The following OPRM1 variants were observed in gnomAD, a reference collection of about 807,000 sequenced individuals.
OPRM1 encodes opioid receptor mu 1, also known as mu-type opioid receptor.
A neutral mutation model predicts 31.8 loss-of-function variants in OPRM1; 27 were observed. The ratio of observed to expected loss-of-function variants is 0.85; its 90% CI spans 0.63 to 1.17. The LOEUF (loss-of-function observed/expected upper bound fraction) is 1.17, where lower values mean the gene tolerates loss of function less well. Among genes scored for constraint, OPRM1 ranks in the 50% most tolerant of loss-of-function variants. The pLI, the probability that OPRM1 is intolerant of heterozygous loss-of-function variation, is 0.00. For missense variants in OPRM1, 536 were observed against 511.1 expected, an observed-to-expected ratio of 1.05 and a Z score of -0.47; for synonymous variants, 196 against 189.9, an observed-to-expected ratio of 1.03 and a Z score of -0.26.
chr6:154,093,160 C>A, intron 3 of OPRM1: 1 of 891,622 alleles, frequency 1.1e-6, no homozygotes, highest in Non-Finnish European at 1.7e-6. Flanking sequence ...AAGATTGCAA[C>A]TTAAAATGCC....
upstream of OPRM1, chr6:154,039,236 C>T (rs1779523015): frequency 1.9e-6 from 3 of 1,551,614 alleles, no homozygotes; most frequent in South Asian, 1.2e-5. Flanking sequence ...ACCCCTTTTC[C>T]CTCCTCCCTC....
intron 1 of OPRM1, among the ~76,000 whole-genome samples, chr6:154,078,579 A>G (rs978614756): frequency 1.3e-5 from 2 of 152,206 alleles, no homozygotes; most frequent in African/African-American, 2.4e-5. Context: ...ATTATGAAAA[A>G]CACATCCTAG....
intron 3 of OPRM1, among the ~76,000 whole-genome samples, chr6:154,212,558 T>A (rs532954976): frequency 2.3e-4 from 35 of 152,324 alleles, no homozygotes; most frequent in Admixed American, 6.5e-4. Flanking sequence ...CATCTTCGGG[T>A]CACACACAAA....
chr6:154,036,670 G>A (rs182453473), upstream of OPRM1, among the ~76,000 whole-genome samples: 13 of 151,614 alleles, frequency 8.6e-5, no homozygotes, highest in East Asian at 2.5e-3. Context: ...CTTCATTAAG[G>A]TTTTCCCATA....
chr6:154,025,018 T>C (rs1583139464), intron 1 of OPRM1, among the ~76,000 whole-genome samples: 1 of 152,040 alleles, frequency 6.6e-6, no homozygotes, highest in East Asian at 1.9e-4. Flanking sequence ...TTTCGTGAAA[T>C]GTTCTGTATT....
chr6:154,103,893 T>C (rs1036819750), intron 3 of OPRM1, among the ~76,000 whole-genome samples: 2 of 152,192 alleles, frequency 1.3e-5, no homozygotes, highest in Non-Finnish European at 2.9e-5. Flanking sequence ...CTTTATGACC[T>C]GTATTTTGTG....
At chr6:154,053,570 G>T (rs1338028273) in intron 1 of OPRM1, among the ~76,000 whole-genome samples, 3 of 152,180 alleles carry the variant, frequency 2.0e-5, no homozygotes, top group Non-Finnish European at 2.9e-5. Context: ...GTAGGCCAAG[G>T]TATTCTAAGG....
chr6:154,186,808 G>A (rs1223442890), intron 3 of OPRM1, among the ~76,000 whole-genome samples: 3 of 151,904 alleles, frequency 2.0e-5, no homozygotes, highest in East Asian at 1.9e-4. Flanking sequence ...CACCTGCCTC[G>A]GCCTCCCAAA....
rs1797692579 is a variant in OPRM1 at position 154,128,050 on chromosome 6, G to A, written c.*9329G>A. Reference sequence around the variant, plus strand: ...ACTTTCCATGCAAGCTACCGCATCTGTATAAATTAGGTTCAAATAACAGAG... The same window carrying A: ...ACTTTCCATGCAAGCTACCGCATCTATATAAATTAGGTTCAAATAACAGAG... On this transcript the variant is annotated 3_prime_UTR_variant, in exon 4 of 4. Transcript: ENST00000330432. Among the ~76,000 whole-genome samples the A allele has an allele frequency of 6.6e-6, 1 of 152,192 alleles. No homozygotes were observed. The highest frequency in any genetic ancestry group is 1.5e-5 in the Non-Finnish European group (1 of 68,038).
chr6:154,187,394 G>C (rs1801482636), intron 3 of OPRM1, among the ~76,000 whole-genome samples: 1 of 152,136 alleles, frequency 6.6e-6, no homozygotes, highest in African/African-American at 2.4e-5. Flanking sequence ...CTGTAGGGCT[G>C]TTTATTTTGG....
At chr6:154,181,840 T>C (rs1480873016) in intron 3 of OPRM1, among the ~76,000 whole-genome samples, 9 of 152,180 alleles carry the variant, frequency 5.9e-5, no homozygotes, top group Admixed American at 5.9e-4. Context: ...TTGGGGATCA[T>C]GAACCAGTTG....
chr6:154,201,838 T>C (rs1160225991), intron 3 of OPRM1, among the ~76,000 whole-genome samples: 1 of 152,158 alleles, frequency 6.6e-6, no homozygotes, highest in Non-Finnish European at 1.5e-5. Flanking sequence ...GAAGTTGCAG[T>C]GAGCCAAGAT....
chr6:154,014,492 A>G lies in OPRM1; in HGVS notation c.-1+3474A>G, dbSNP rs1777897269. The stretch of plus-strand genomic sequence containing the variant: ...TGATAAATTGGACATGCAGGATCAT[A>G]TATACAAAACTACATACCTGGTACC... On this transcript the variant is annotated intron_variant, in intron 1 of 5. Coordinates refer to the OPRM1 transcript ENST00000434900. Among the ~76,000 whole-genome samples, 6 of 152,164 alleles carry G rather than the reference A, an allele frequency of 3.9e-5. No homozygotes were observed. In the South Asian group the frequency reaches 1.2e-3, roughly 31 times the overall value.
rs1279713851 is a variant in OPRM1 at position 154,107,952 on chromosome 6, TTTTTTATTTTA to T, written c.1165-10726_1165-10716del. The T allele has an allele frequency of 3.2e-3, 1,380 of 430,024 alleles. 34 individuals are homozygous for T. Among genetic ancestry groups the T allele is most frequent in the South Asian group, 4.8e-3 (162 of 33,856 alleles). The allele number at this position is 430,024 out of a possible 1,614,324, so 26.6% of individuals were successfully genotyped here. On this transcript the variant is annotated intron_variant, in intron 3 of 3. Coordinates refer to ENST00000330432, the MANE Select transcript of OPRM1 (RefSeq NM_000914.5). ...CTTTACAGAGGAGATAAACACTGAT[TTTTTTATTTTA>T]TTTTATTTTATTTTATTTTATTTTA...
intron 1 of OPRM1, among the ~76,000 whole-genome samples, chr6:154,049,386 G>T (rs917029941): frequency 3.0e-4 from 45 of 152,200 alleles, no homozygotes; most frequent in African/African-American, 1.1e-3. Flanking sequence ...AGACAGCAGA[G>T]CATTGCCTTG....
chr6:154,045,223 T>C (rs919279464), intron 1 of OPRM1, among the ~76,000 whole-genome samples: 33 of 151,368 alleles, frequency 2.2e-4, no homozygotes, highest in African/African-American at 7.8e-4. Context: ...GGACTCCGAC[T>C]CAAACAAAAA....
rs1435983276 is a variant in OPRM1, at chr6:154,127,443, T to A, written c.*8722T>A. On this transcript the variant is annotated 3_prime_UTR_variant, in exon 4 of 4. Coordinates refer to ENST00000330432, the MANE Select transcript of OPRM1 (RefSeq NM_000914.5). ...TTTTGTTTGGGTTTTTTGTTGCTGT[T>A]GCTTGTTTATTTGTTTGTTGTGTTT... Among the ~76,000 whole-genome samples the A allele has an allele frequency of 6.6e-6, 1 of 152,184 alleles. No individual in the cohort carries two copies. The highest frequency in any genetic ancestry group is 1.5e-5 in the Non-Finnish European group (1 of 68,032).
At chr6:154,203,094 A>G (rs1777203903) in intron 3 of OPRM1, among the ~76,000 whole-genome samples, 1 of 152,216 alleles carries the variant, frequency 6.6e-6, no homozygotes, top group Non-Finnish European at 1.5e-5. Flanking sequence ...TGGAGAAACC[A>G]ATAGCCAACA....
At chr6:154,083,861 G>C (rs1163075347) in intron 1 of OPRM1, 7 of 148,354 alleles carry the variant, frequency 4.7e-5, no homozygotes, top group Non-Finnish European at 8.9e-5. Context: ...GGAGAATGGC[G>C]TGAACCCGGG....
Sources: allele counts gnomAD v4.1 joint callset (sites outside exome capture counted in the v4.1 genomes callset), GRCh38; gene constraint gnomAD v4.1.1; transcripts MANE v1.5; gene names NCBI Gene and HGNC (gene_info 2026-07-23, HGNC 2026-07-21).